The following SUGCT variants were observed in gnomAD, a reference collection of about 807,000 sequenced individuals.
SUGCT encodes succinyl-CoA:glutarate-CoA transferase.
SUGCT carries 41 observed loss-of-function variants against 55.0 expected under a neutral mutation model. That is an observed-to-expected ratio of 0.74 (90% confidence interval 0.58 to 0.97). SUGCT has a LOEUF of 0.97. Ranked by LOEUF, SUGCT falls within the 50% of genes least tolerant of loss-of-function variation. The pLI, the probability that SUGCT is intolerant of heterozygous loss-of-function variation, is 0.00. For missense variants in SUGCT, 568 were observed against 547.8 expected (o/e 1.04, Z -0.37); for synonymous variants, 187 against 200.4 (o/e 0.93, Z 0.56).
chr7:40,274,889 C>T (rs565995835), intron 8 of SUGCT, among the ~76,000 whole-genome samples: 3 of 152,186 alleles, frequency 2.0e-5, no homozygotes, highest in Non-Finnish European at 2.9e-5. Flanking sequence ...GCAACCTCCA[C>T]CTCCTGGGTT....
At chr7:40,586,678 A>G (rs1044388705) in intron 12 of SUGCT, among the ~76,000 whole-genome samples, 2 of 152,202 alleles carry the variant, frequency 1.3e-5, no homozygotes, top group Non-Finnish European at 2.9e-5. Flanking sequence ...ACACTTACCA[A>G]TTTACAGGCC....
intron 9 of SUGCT, among the ~76,000 whole-genome samples, chr7:40,445,582 G>A (rs894849290): frequency 1.3e-5 from 2 of 152,110 alleles, no homozygotes; most frequent in African/African-American, 4.8e-5. Flanking sequence ...AGAGGAACTG[G>A]TACCATTCCT....
intron 8 of SUGCT, among the ~76,000 whole-genome samples, chr7:40,279,363 C>G (rs1792795227): frequency 6.6e-6 from 1 of 152,098 alleles, no homozygotes; most frequent in Non-Finnish European, 1.5e-5. Flanking sequence ...ATGGGGTTAA[C>G]TCCACCCAAA....
intron 11 of SUGCT, among the ~76,000 whole-genome samples, chr7:40,472,664 A>G (rs1286561125): frequency 1.3e-5 from 2 of 152,090 alleles, no homozygotes; most frequent in Non-Finnish European, 2.9e-5. Flanking sequence ...AATAATAATA[A>G]TAATAATAAA....
chr7:40,391,256 T>G (rs1164942098), intron 9 of SUGCT, among the ~76,000 whole-genome samples: 1 of 152,092 alleles, frequency 6.6e-6, no homozygotes, highest in Non-Finnish European at 1.5e-5. Context: ...CCAAAAGCAA[T>G]GGCAACAGAA....
chr7:40,316,953 C>CTTTTTTTTTT (rs1554309222), intron 9 of SUGCT, 98 bp downstream of exon 9: 48 of 183,786 alleles, frequency 2.6e-4, no homozygotes, highest in East Asian at 1.0e-3. Context: ...AATCCTTCAG[C>CTTTTTTTTTT]TGTTTTTTTT....
chr7:40,235,216 G>A (rs1254851460), intron 6 of SUGCT, among the ~76,000 whole-genome samples: 1 of 152,012 alleles, frequency 6.6e-6, no homozygotes, highest in Non-Finnish European at 1.5e-5. Flanking sequence ...TCTTATTTGT[G>A]ACAAAGATCA....
At chr7:40,932,119 T>C in the SUGCT span, among the ~76,000 whole-genome samples, 1 of 152,230 alleles carries the variant, frequency 6.6e-6, no homozygotes, top group Non-Finnish European at 1.5e-5. Flanking sequence ...TTCTGGTACA[T>C]TGTGTCTTTG....
intron 9 of SUGCT, among the ~76,000 whole-genome samples, chr7:40,374,458 G>A (rs2151262888): frequency 6.6e-6 from 1 of 152,204 alleles, no homozygotes; most frequent in Non-Finnish European, 1.5e-5. Context: ...ATCAAGTGGG[G>A]ACACAGTCAA....
intron 12 of SUGCT, among the ~76,000 whole-genome samples, chr7:40,668,143 A>C (rs1477782597): frequency 6.6e-6 from 1 of 152,220 alleles, no homozygotes; most frequent in African/African-American, 2.4e-5. Flanking sequence ...ATCTTTAATT[A>C]AATTCTTTTA....
At chr7:40,487,765 T>TTG (rs1181477924) in intron 11 of SUGCT, among the ~76,000 whole-genome samples, 1 of 152,108 alleles carries the variant, frequency 6.6e-6, no homozygotes, top group Non-Finnish European at 1.5e-5. Flanking sequence ...TATAAGGTCC[T>TTG]TCTCTATTGT....
chr7:40,912,757 C>T, the SUGCT span, among the ~76,000 whole-genome samples: 1 of 91,358 alleles, frequency 1.1e-5, no homozygotes, highest in Non-Finnish European at 2.1e-5. Flanking sequence ...CATGTTCAGG[C>T]AATTAAACGT....
intron 6 of SUGCT, among the ~76,000 whole-genome samples, chr7:40,234,499 C>T (rs1788899732): frequency 1.3e-5 from 2 of 152,136 alleles, no homozygotes; most frequent in South Asian, 4.1e-4. Context: ...TGCTTCATAT[C>T]CCATTTTTGT....
chr7:40,185,895 T>C (rs942997241), intron 3 of SUGCT, among the ~76,000 whole-genome samples: 1 of 152,124 alleles, frequency 6.6e-6, no homozygotes, highest in Non-Finnish European at 1.5e-5. Flanking sequence ...TTAATATTCA[T>C]ATTATATATT....
intron 12 of SUGCT, among the ~76,000 whole-genome samples, chr7:40,627,167 G>A (rs1242269571): frequency 6.6e-6 from 1 of 152,204 alleles, no homozygotes; most frequent in Non-Finnish European, 1.5e-5. Flanking sequence ...GATTCTTGGT[G>A]TTTTGAAGAA....
intron 6 of SUGCT, among the ~76,000 whole-genome samples, chr7:40,206,754 A>G (rs1015396732): frequency 6.6e-6 from 1 of 152,146 alleles, no homozygotes; most frequent in Non-Finnish European, 1.5e-5. Flanking sequence ...TAGTTGTTAT[A>G]CCTATTGTTT....
At chr7:40,894,076 T>A in the SUGCT span, among the ~76,000 whole-genome samples, 29 of 147,168 alleles carry the variant, frequency 2.0e-4, 1 homozygote, top group Admixed American at 1.0e-3. Flanking sequence ...AAAAAAGCTA[T>A]ACTACAAGGT....
At chr7:40,955,760 G>C in the SUGCT span, among the ~76,000 whole-genome samples, 2,373 of 152,254 alleles carry the variant, frequency 0.016, 60 homozygotes, top group African/African-American at 0.052. Context: ...GATATTGGCT[G>C]TGGGTTTGTC....
chr7:40,502,809 G>A (rs1330027800), intron 12 of SUGCT, among the ~76,000 whole-genome samples: 2 of 152,000 alleles, frequency 1.3e-5, no homozygotes, highest in Non-Finnish European at 2.9e-5. Context: ...TCACTTTTTA[G>A]TTATTTTAAT....
Sources: gnomAD v4.1 joint callset for allele counts (sites outside exome capture counted in the v4.1 genomes callset) on GRCh38, gnomAD v4.1.1 for gene constraint, MANE v1.5 for transcripts, NCBI Gene and HGNC (gene_info 2026-07-23, HGNC 2026-07-21) for gene names.